Variants in KRT86 observed in about 807,000 individuals in gnomAD.
KRT86 encodes keratin, type II cuticular Hb6.
Under a neutral mutation model 41.2 loss-of-function variants are expected in KRT86, and 30 were observed. That is an observed-to-expected ratio of 0.73 (90% CI 0.54 to 0.99). KRT86 has a LOEUF of 0.99. Among genes scored for constraint, KRT86 ranks in the 50% least tolerant of loss-of-function variants. The pLI is 0.00. For missense variants in KRT86, 561 were observed against 571.4 expected (o/e 0.98, Z 0.19); for synonymous variants, 238 against 238.1 (o/e 1.00, Z 0.00).
chr12:52,286,394 T>A (rs1278188997), intron 2 of KRT86: 2 of 1,555,342 alleles, frequency 1.3e-6, no homozygotes, highest in South Asian at 2.4e-5. Context: ...CACCGCCACG[T>A]TCCCGTTGCA....
At chr12:52,274,892 C>T (rs1421605376) in intron 1 of KRT86, 170 bp downstream of exon 1, 1 of 198,654 alleles carries the variant, frequency 5.0e-6, no homozygotes, top group African/African-American at 2.4e-5. Context: ...CACACTCCAT[C>T]TGCCCTAGAA....
At position 52,308,604 on chromosome 12, in the gene KRT86, A is replaced by G; in HGVS notation, c.*19A>G. On this transcript the variant is annotated 3_prime_UTR_variant, in exon 11 of 11. Coordinates refer to ENST00000423955, the MANE Select transcript of KRT86 (RefSeq NM_001320198.2). ...GTGCTAGGAGGCTGCCGCCTCCGCCAGCGCCTGTCGCCGTCACTCTCCACC... is the reference window on the plus strand; with the variant it reads ...GTGCTAGGAGGCTGCCGCCTCCGCCGGCGCCTGTCGCCGTCACTCTCCACC... 1.9e-6 allele frequency: 3 copies of G among 1,592,070 alleles called. No individual in the cohort carries two copies. The highest frequency in any genetic ancestry group is 1.7e-6 in the Non-Finnish European group (2 of 1,177,114).
At chr12:52,297,563 T>G (rs1432831703) in intron 2 of KRT86, among the ~76,000 whole-genome samples, 2 of 152,192 alleles carry the variant, frequency 1.3e-5, no homozygotes, top group Non-Finnish European at 2.9e-5. Flanking sequence ...AAGAACTTTC[T>G]AATGTTAAAA....
chr12:52,305,521 C>T, intron 7 of KRT86, 117 bp downstream of exon 7: 2 of 1,600,324 alleles, frequency 1.2e-6, no homozygotes, highest in Non-Finnish European at 1.7e-6. Context: ...ATGGCTGCCA[C>T]TCTGATGTTG....
rs375321371 is a variant in KRT86, at chr12:52,286,716, C to T, written c.-5+10770C>T. On this transcript the variant is annotated intron_variant, in intron 2 of 10. Coordinates refer to ENST00000423955, the MANE Select transcript of KRT86 (RefSeq NM_001320198.2). Reference sequence around the variant, plus strand: ...ACTCTTTTATATTCAATCTCAGTAACACTCCTTTTTCCAAACTCTGCCCTC... The same window carrying T: ...ACTCTTTTATATTCAATCTCAGTAATACTCCTTTTTCCAAACTCTGCCCTC... 2.4e-5 allele frequency: 35 copies of T among 1,483,734 alleles called. No individual in the cohort carries two copies. In the African/African-American group the frequency reaches 4.5e-4, roughly 19 times the overall value. The allele number at this position is 1,483,734 out of a possible 1,614,324, so 91.9% of individuals were successfully genotyped here.
chr12:52,293,430 A>T (rs974568526), intron 2 of KRT86, among the ~76,000 whole-genome samples: 7 of 152,150 alleles, frequency 4.6e-5, no homozygotes, highest in Non-Finnish European at 7.4e-5. Context: ...TGACTTCCTA[A>T]TCTTTGGATA....
intron 2 of KRT86, chr12:52,291,202 G>C (rs1359628088): frequency 1.6e-5 from 22 of 1,395,126 alleles, no homozygotes; most frequent in Non-Finnish European, 2.0e-5. Context: ...TGAGGGGCGT[G>C]AGGAGGCTCT....
At position 52,306,053 on chromosome 12, in the gene KRT86, T is replaced by C; in HGVS notation, c.1027-7T>C. The stretch of plus-strand genomic sequence containing the variant: ...CTAATCTACCTTGTTCTCTCTGTTC[T>C]CTTCAGAATTCCAAGCTGGAGGCTG... On this transcript the variant is annotated splice_region_variant and splice_polypyrimidine_tract_variant and intron_variant, in intron 8 of 10. Coordinates refer to ENST00000423955, the MANE Select transcript of KRT86 (RefSeq NM_001320198.2). 6.2e-7 allele frequency: 1 copy of C among 1,613,802 alleles called. No individual in the cohort carries two copies. The highest frequency in any genetic ancestry group is 1.7e-5 in the Admixed American group (1 of 60,026).
intron 2 of KRT86, among the ~76,000 whole-genome samples, chr12:52,285,624 A>G (rs1937900633): frequency 6.6e-6 from 1 of 152,160 alleles, no homozygotes; most frequent in Admixed American, 6.5e-5. Flanking sequence ...CAGGGCTTAA[A>G]CCCCAGATGA....
rs554027353 is a variant in KRT86 at position 52,308,647 on chromosome 12, C to T, written c.*62C>T. 247 of 1,521,240 alleles carry T rather than the reference C, an allele frequency of 1.6e-4. 1 individual carries two copies. The African/African-American group carries it at 3.2e-3, about 19-fold the overall frequency. 94.2% of individuals were successfully genotyped at this position (1,521,240 alleles called of 1,614,324 possible). Reference sequence around the variant, plus strand: ...TCTCCACCCAGCCAGTACCTCGCGCCACCAGAACGCGCCGCCCGCGCCGGC... The same window carrying T: ...TCTCCACCCAGCCAGTACCTCGCGCTACCAGAACGCGCCGCCCGCGCCGGC... On this transcript the variant is annotated 3_prime_UTR_variant, in exon 11 of 11. Transcript: ENST00000423955.
Position 52,308,718 on chromosome 12 carries a change from C to T in KRT86, c.*133C>T, listed in dbSNP as rs1032822792. On this transcript the variant is annotated 3_prime_UTR_variant, in exon 11 of 11. Transcript: ENST00000423955. Reference sequence around the variant, plus strand: ...CTGCCTGCACTCTAAGCGCCCTCCCCACCGCTCCGCTCCGGGAGCCATCCC... The same window carrying T: ...CTGCCTGCACTCTAAGCGCCCTCCCTACCGCTCCGCTCCGGGAGCCATCCC... 32 of 812,538 alleles carry T rather than the reference C, an allele frequency of 3.9e-5. No individual in the cohort carries two copies. Among genetic ancestry groups the T allele is most frequent in the Non-Finnish European group, 5.6e-5 (29 of 516,672 alleles). 50.3% of individuals were successfully genotyped at this position (812,538 alleles called of 1,614,324 possible).
rs1592442896 is a variant in KRT86, at chr12:52,309,044, G to C, written c.*459G>C. On this transcript the variant is annotated 3_prime_UTR_variant, in exon 11 of 11. Coordinates refer to ENST00000423955, the MANE Select transcript of KRT86 (RefSeq NM_001320198.2). ...GCGAGGGACAGGCCCACGCGTGTGG[G>C]GAGAACATCTCCCTTCCGGGGCTGC... 1 of 165,262 alleles carries C rather than the reference G, an allele frequency of 6.1e-6. No individual in the cohort carries two copies. Among genetic ancestry groups the C allele is most frequent in the Middle Eastern group, 3.0e-3 (1 of 330 alleles). The allele number at this position is 165,262 out of a possible 1,614,324, so 10.2% of individuals were successfully genotyped here. A position where few individuals can be genotyped will look rare whatever the true frequency, so the allele number is the denominator to read the frequency against.
chr12:52,274,887 TC>T (rs1256127937), intron 1 of KRT86, 165 bp downstream of exon 1: 2 of 203,478 alleles, frequency 9.8e-6, no homozygotes, highest in African/African-American at 4.7e-5. Context: ...TCCCCCACAC[TC>T]CATCTGCCCT....
intron 2 of KRT86, among the ~76,000 whole-genome samples, chr12:52,300,812 G>A (rs1938355192): frequency 6.6e-6 from 1 of 152,238 alleles, no homozygotes; most frequent in African/African-American, 2.4e-5. Context: ...CTGTATAGAT[G>A]CATAACAGTG....
At chr12:52,288,608 A>G in intron 2 of KRT86, 1 of 990,742 alleles carries the variant, frequency 1.0e-6, no homozygotes. Flanking sequence ...TCCTGGGATG[A>G]GCTGGCATCC....
At position 52,285,070 on chromosome 12, in the gene KRT86, T is replaced by G. The variant is rs540508619; in HGVS notation, c.-5+9124T>G. Among the ~76,000 whole-genome samples, 7 of 152,378 alleles carry G rather than the reference T, an allele frequency of 4.6e-5. No individual in the cohort carries two copies. In the South Asian group the frequency reaches 8.3e-4, roughly 18 times the overall value. ...AAAATAGAGTGATAATTTTGTGGCA[T>G]GCACCATCTAAACCTTTTACGTATA... is the stretch of plus-strand genomic sequence containing the variant. On this transcript the variant is annotated intron_variant, in intron 2 of 10. Transcript: ENST00000423955.
chr12:52,287,146 G>A (rs1277037056), intron 2 of KRT86: 2 of 1,613,448 alleles, frequency 1.2e-6, no homozygotes, highest in Middle Eastern at 1.8e-4. Context: ...TGGCGATCTC[G>A]ATGTCCAGGC....
chr12:52,299,262 G>T (rs2121286784), intron 2 of KRT86, among the ~76,000 whole-genome samples: 1 of 152,248 alleles, frequency 6.6e-6, no homozygotes, highest in East Asian at 1.9e-4. Flanking sequence ...CATCCATGTT[G>T]TTGCAAATGA....
chr12:52,291,615 C>A (rs1300253911), intron 2 of KRT86: 5 of 1,269,218 alleles, frequency 3.9e-6, no homozygotes, highest in East Asian at 2.5e-5. Flanking sequence ...GGGCAATTTG[C>A]GCTTTATGGG....
Sources: gnomAD v4.1 joint callset for allele counts (sites outside exome capture counted in the v4.1 genomes callset) on GRCh38, gnomAD v4.1.1 for gene constraint, MANE v1.5 for transcripts, NCBI Gene and HGNC (gene_info 2026-07-23, HGNC 2026-07-21) for gene names.